CSMD1: variants seen among roughly 807,000 people sequenced by gnomAD.
CSMD1 encodes the protein CUB and sushi domain-containing protein 1.
Under a neutral mutation model 417.5 loss-of-function variants are expected in CSMD1, and 213 were observed. The observed-to-expected ratio is 0.51, with a 90% CI of 0.46 to 0.57. The LOEUF is 0.57. Among genes scored for constraint, CSMD1 ranks in the 20% least tolerant of loss-of-function variants. The pLI, the probability that CSMD1 is intolerant of heterozygous loss-of-function variation, is 0.00. For missense variants in CSMD1, 6,923 were observed against 4,529.7 expected (o/e 1.53, Z -15.17); for synonymous variants, 2,862 against 1,736.8 (o/e 1.65, Z -16.11).
chr8:4,917,144 G>C (rs550673100), intron 1 of CSMD1, among the ~76,000 whole-genome samples: 1 of 152,274 alleles, frequency 6.6e-6, no homozygotes, highest in South Asian at 2.1e-4. Flanking sequence ...AGGGAAAGTT[G>C]GCATGTCCTA....
At chr8:4,680,342 T>A (rs1805959378) in intron 1 of CSMD1, among the ~76,000 whole-genome samples, 2 of 152,150 alleles carry the variant, frequency 1.3e-5, no homozygotes, top group South Asian at 4.1e-4. Context: ...CCGGGTCACT[T>A]AATTCAACCT....
chr8:2,969,828 T>C (rs958111853), intron 57 of CSMD1, among the ~76,000 whole-genome samples: 2 of 152,226 alleles, frequency 1.3e-5, no homozygotes, highest in Admixed American at 6.5e-5. Flanking sequence ...GTTCAGTCAC[T>C]GATTTTATGA....
At chr8:3,326,994 G>C (rs1266862195) in intron 23 of CSMD1, among the ~76,000 whole-genome samples, 1 of 151,228 alleles carries the variant, frequency 6.6e-6, no homozygotes, top group South Asian at 2.1e-4. Flanking sequence ...CTGGGCAATA[G>C]AGCAAGACCC....
rs191299877 is a variant in CSMD1 at position 4,744,706 on chromosome 8, C to T, written c.86-107148G>A. Among the ~76,000 whole-genome samples the T allele has an allele frequency of 1.4e-3, 211 of 152,190 alleles. 1 individual carries two copies. Among genetic ancestry groups the T allele is most frequent in the Non-Finnish European group, 2.4e-3 (163 of 67,998 alleles). The stretch of plus-strand genomic sequence containing the variant: ...AGATATTATTTTACATAATGCTTTT[C>T]TCAGGTCATGGTTTAATGATAATTA... On this transcript the variant is annotated intron_variant, in intron 1 of 69. Coordinates refer to ENST00000635120, the MANE Select transcript of CSMD1 (RefSeq NM_033225.6).
At chr8:3,215,018 A>G (rs1402056393) in intron 29 of CSMD1, among the ~76,000 whole-genome samples, 4 of 152,220 alleles carry the variant, frequency 2.6e-5, no homozygotes, top group African/African-American at 9.6e-5. Context: ...TACAGATTTT[A>G]GGACTGAATC....
intron 12 of CSMD1, among the ~76,000 whole-genome samples, chr8:3,421,177 C>G (rs1008465032): frequency 1.3e-5 from 2 of 152,144 alleles, no homozygotes; most frequent in African/African-American, 4.8e-5. Context: ...TTCTTAAACT[C>G]ATACTACAAG....
At chr8:4,811,963 G>T (rs958417017) in intron 1 of CSMD1, among the ~76,000 whole-genome samples, 1 of 152,100 alleles carries the variant, frequency 6.6e-6, no homozygotes, top group East Asian at 1.9e-4. Context: ...AGAAATACAT[G>T]CTGGTTTTTT....
Position 4,506,161 on chromosome 8 carries a change from A to C in CSMD1, c.303-86096T>G, listed in dbSNP as rs1802516747. 2.0e-5 allele frequency among the ~76,000 whole-genome samples: 3 copies of C among 152,320 alleles called. No individual in the cohort carries two copies. In the South Asian group the frequency reaches 6.2e-4, roughly 32 times the overall value. ...TGCTGTATTAGATTGGTGCAAAAGT[A>C]ATTGCGGTTTTTGCTATTGAAAATA... On this transcript the variant is annotated intron_variant, in intron 2 of 69. Transcript: ENST00000635120.
rs778189937 is a variant in CSMD1, at chr8:3,189,906, G to A, written c.5398+6C>T. 21 of 1,568,322 alleles carry A rather than the reference G, an allele frequency of 1.3e-5. No individual in the cohort carries two copies. The highest frequency in any genetic ancestry group is 2.3e-5 in the South Asian group (2 of 85,218). ...TGGCGGGCAGCCGCTTAGGGACACT[G>A]CTCACCCACACAGCTGGGGATCGTG... On this transcript the variant is annotated splice_donor_region_variant and intron_variant, in intron 34 of 69. Coordinates refer to ENST00000635120, the MANE Select transcript of CSMD1 (RefSeq NM_033225.6).
chr8:4,166,412 C>T (rs1027342567), intron 3 of CSMD1, among the ~76,000 whole-genome samples: 11 of 152,094 alleles, frequency 7.2e-5, no homozygotes, highest in African/African-American at 2.4e-4. Context: ...TGTATATATA[C>T]CACACAATAA....
At chr8:4,584,487 G>T (rs557059648) in intron 2 of CSMD1, among the ~76,000 whole-genome samples, 1 of 152,016 alleles carries the variant, frequency 6.6e-6, no homozygotes, top group South Asian at 2.1e-4. Flanking sequence ...CGGGTGTCAG[G>T]CTTTCTGGGA....
intron 2 of CSMD1, among the ~76,000 whole-genome samples, chr8:4,519,888 T>C (rs1170065783): frequency 6.6e-6 from 1 of 151,250 alleles, no homozygotes; most frequent in Non-Finnish European, 1.5e-5. Context: ...GGAAGTGAAT[T>C]CCAAACAGTA....
intron 26 of CSMD1, among the ~76,000 whole-genome samples, chr8:3,269,289 G>T (rs28722172): frequency 0.29 from 44,137 of 151,978 alleles, 6,621 homozygotes; most frequent in Non-Finnish European, 0.34. Context: ...TTCTCTGCCA[G>T]TCCCATGAGG....
intron 23 of CSMD1, among the ~76,000 whole-genome samples, chr8:3,310,394 G>A (rs955748813): frequency 2.0e-5 from 3 of 152,198 alleles, no homozygotes; most frequent in African/African-American, 7.2e-5. Flanking sequence ...TTAGAAGGCA[G>A]TCCTGCCCAG....
chr8:4,203,044 G>C (rs1174215183), intron 3 of CSMD1, among the ~76,000 whole-genome samples: 1 of 152,184 alleles, frequency 6.6e-6, no homozygotes, highest in African/African-American at 2.4e-5. Context: ...GAGAGGATTT[G>C]ACAGGTGTGA....
At chr8:3,314,229 C>G (rs1228007129) in intron 23 of CSMD1, among the ~76,000 whole-genome samples, 1 of 151,774 alleles carries the variant, frequency 6.6e-6, no homozygotes, top group Non-Finnish European at 1.5e-5. Flanking sequence ...ATGTAACAAA[C>G]CCTAAAACTT....
chr8:4,316,013 T>G (rs1462919392), intron 3 of CSMD1, among the ~76,000 whole-genome samples: 3 of 152,166 alleles, frequency 2.0e-5, no homozygotes, highest in Non-Finnish European at 4.4e-5. Context: ...CTTTAAATAT[T>G]CAGGCATTAT....
chr8:4,631,082 G>A (rs987608173), intron 2 of CSMD1, among the ~76,000 whole-genome samples: 1 of 152,154 alleles, frequency 6.6e-6, no homozygotes, highest in African/African-American at 2.4e-5. Flanking sequence ...TAAAATGAAG[G>A]CCAGGTGCGG....
intron 2 of CSMD1, among the ~76,000 whole-genome samples, chr8:4,613,860 C>A (rs377656211): frequency 2.6e-3 from 322 of 123,388 alleles, no homozygotes; most frequent in Admixed American, 3.3e-3. Flanking sequence ...TGTCTAATGC[C>A]AAAAAAAAAA....
Sources: allele counts gnomAD v4.1 joint callset (sites outside exome capture counted in the v4.1 genomes callset), GRCh38; gene constraint gnomAD v4.1.1; transcripts MANE v1.5; gene names NCBI Gene and HGNC (gene_info 2026-07-23, HGNC 2026-07-21).